Variants in COL19A1 observed in about 807,000 individuals in gnomAD.
The protein encoded by COL19A1 is collagen type XIX alpha 1 chain.
Under a neutral mutation model 190.2 loss-of-function variants are expected in COL19A1, and 159 were observed. The ratio of observed to expected loss-of-function variants is 0.84; its 90% CI spans 0.73 to 0.95. COL19A1 has a LOEUF of 0.95. COL19A1 is among the 40% of genes least tolerant of loss of function. The pLI is 0.00. For synonymous variants in COL19A1, 509 were observed against 458.9 expected (o/e 1.11, Z -1.39); for missense variants, 1,418 against 1,431.9 (o/e 0.99, Z 0.16).
chr6:69,901,057 A>G (rs1462596429), intron 4 of COL19A1, among the ~76,000 whole-genome samples: 1 of 152,238 alleles, frequency 6.6e-6, no homozygotes, highest in Non-Finnish European at 1.5e-5. Context: ...TCAGGCAGGC[A>G]GGTAGCACAT....
At chr6:70,203,092 A>G (rs887778762) in intron 49 of COL19A1, among the ~76,000 whole-genome samples, 1 of 152,124 alleles carries the variant, frequency 6.6e-6, no homozygotes, top group African/African-American at 2.4e-5. Context: ...CCCCTATATA[A>G]ACAGGAGAGG....
At chr6:69,988,340 G>A (rs1776421473) in intron 11 of COL19A1, among the ~76,000 whole-genome samples, 1 of 152,116 alleles carries the variant, frequency 6.6e-6, no homozygotes, top group East Asian at 1.9e-4. Context: ...CAAAAGATAA[G>A]CATTACTTAG....
chr6:70,180,594 C>A, intron 44 of COL19A1, 71 bp downstream of exon 44: 1 of 1,486,540 alleles, frequency 6.7e-7, no homozygotes, highest in Non-Finnish European at 9.4e-7. Context: ...CATCTACCAC[C>A]TCAGAAATTC....
chr6:70,144,144 A>T lies in COL19A1; in HGVS notation c.1627-66A>T, dbSNP rs1170380662. 2.2e-6 allele frequency: 3 copies of T among 1,349,172 alleles called. No individual in the cohort carries two copies. The East Asian group carries it at 6.9e-5, about 31-fold the overall frequency. 83.6% of individuals were successfully genotyped at this position (1,349,172 alleles called of 1,614,324 possible). ...CTGTTCTCTTGACAGAGATTCACAG[A>T]TATAGGGAAATGTTATTGTAAGAGA... On this transcript the variant is annotated intron_variant, in intron 23 of 50. Transcript: ENST00000620364.
At position 69,956,061 on chromosome 6, in the gene COL19A1, G is replaced by T. The variant is rs867763646; in HGVS notation, c.937-3935G>T. 7.2e-5 allele frequency among the ~76,000 whole-genome samples: 11 copies of T among 151,962 alleles called. No individual in the cohort carries two copies. The South Asian group carries it at 1.9e-3, about 26-fold the overall frequency. On this transcript the variant is annotated intron_variant, in intron 9 of 50. Transcript: ENST00000620364. ...AATTTATATTTGTCCTTAAATTTAA[G>T]AATGCCCATCCTGCTTGTTTTCTAG...
chr6:69,971,645 A>T (rs1175671410), intron 11 of COL19A1, among the ~76,000 whole-genome samples: 1 of 152,224 alleles, frequency 6.6e-6, no homozygotes, highest in Non-Finnish European at 1.5e-5. Context: ...ATACTTCCTA[A>T]GAAATGTCAG....
At chr6:70,180,390 T>C (rs1212874553) in intron 43 of COL19A1, 34 bp downstream of exon 43, 3 of 1,614,040 alleles carry the variant, frequency 1.9e-6, no homozygotes, top group South Asian at 2.2e-5. Flanking sequence ...ACAGTTGTAC[T>C]TGTGTTGTAC....
intron 2 of COL19A1, among the ~76,000 whole-genome samples, chr6:69,881,109 C>T (rs1448326816): frequency 6.6e-6 from 1 of 152,138 alleles, no homozygotes; most frequent in Non-Finnish European, 1.5e-5. Context: ...TTCCTGAGAC[C>T]TCCTATCGCA....
In COL19A1 at chr6:70,130,381, T is replaced by A. The variant is rs3763247; in HGVS notation, c.1383+158T>A. Among the ~76,000 whole-genome samples the A allele has an allele frequency of 0.47, 70,748 of 151,566 alleles. 16,936 individuals are homozygous for A. Among genetic ancestry groups the A allele is most frequent in the African/African-American group, 0.56 (23,149 of 41,264 alleles). On this transcript the variant is annotated intron_variant, in intron 18 of 50. Coordinates refer to ENST00000620364, the MANE Select transcript of COL19A1 (RefSeq NM_001858.6). ...GCTGGGATTACAGGCATGTGCCACC[T>A]CTCCCGGCTAATTATTGTATTTTTA...
At chr6:70,102,324 T>C in intron 16 of COL19A1, 102 bp downstream of exon 16, 1 of 879,330 alleles carries the variant, frequency 1.1e-6, no homozygotes, top group Non-Finnish European at 1.9e-6. Context: ...TGATTTCCTT[T>C]ATTCTACTGT....
intron 11 of COL19A1, among the ~76,000 whole-genome samples, chr6:70,006,692 A>G (rs1777647106): frequency 6.6e-6 from 1 of 152,176 alleles, no homozygotes; most frequent in South Asian, 2.1e-4. Context: ...ATATATGACT[A>G]TATTTGTATT....
chr6:69,968,847 C>T (rs1236008101), intron 11 of COL19A1, among the ~76,000 whole-genome samples: 1 of 152,112 alleles, frequency 6.6e-6, no homozygotes, highest in Non-Finnish European at 1.5e-5. Flanking sequence ...GGGGCAGCAT[C>T]TAGATCACTC....
At chr6:70,202,160 AG>A (rs1304258363) in intron 49 of COL19A1, among the ~76,000 whole-genome samples, 3 of 152,212 alleles carry the variant, frequency 2.0e-5, no homozygotes, top group Non-Finnish European at 2.9e-5. Context: ...TGGGAAGAAA[AG>A]ATGGCTTCTG....
At chr6:70,103,968 G>A (rs147869204) in intron 16 of COL19A1, among the ~76,000 whole-genome samples, 1 of 152,054 alleles carries the variant, frequency 6.6e-6, no homozygotes, top group African/African-American at 2.4e-5. Flanking sequence ...GTGACCTAAA[G>A]ACCAAAAACA....
rs1781019024 is a variant in COL19A1, at chr6:70,064,062, G to A, written c.1171-4361G>A. ...CTACCAGAGGTACAAGGAGGAGCTG[G>A]TACCATTCCTTCTGAAACTACTCCA... On this transcript the variant is annotated intron_variant, in intron 14 of 50. Transcript: ENST00000620364. Among the ~76,000 whole-genome samples the A allele has an allele frequency of 3.9e-5, 6 of 152,254 alleles. No homozygotes were observed. The South Asian group carries it at 1.2e-3, about 32-fold the overall frequency.
intron 2 of COL19A1, among the ~76,000 whole-genome samples, chr6:69,888,225 A>G (rs1475127466): frequency 1.3e-5 from 2 of 152,108 alleles, no homozygotes; most frequent in African/African-American, 4.8e-5. Flanking sequence ...ACACGTATCA[A>G]AATGAAACAA....
chr6:70,157,619 T>G (rs1328355598), intron 34 of COL19A1, among the ~76,000 whole-genome samples: 6 of 152,128 alleles, frequency 3.9e-5, no homozygotes, highest in Admixed American at 3.9e-4. Flanking sequence ...TAGAAAACTT[T>G]GAGGTTTGAT....
chr6:70,044,438 G>A (rs951572375), intron 14 of COL19A1, among the ~76,000 whole-genome samples: 1 of 152,180 alleles, frequency 6.6e-6, no homozygotes, highest in Non-Finnish European at 1.5e-5. Flanking sequence ...TGGCTGGAGG[G>A]ACCTAGCTTT....
chr6:70,086,767 C>T (rs561628188), intron 15 of COL19A1, among the ~76,000 whole-genome samples: 62 of 152,046 alleles, frequency 4.1e-4, no homozygotes, highest in Non-Finnish European at 5.9e-4. Flanking sequence ...GTAATGAATG[C>T]GATCACACTT....
Sources: gnomAD v4.1 joint callset for allele counts (sites outside exome capture counted in the v4.1 genomes callset) on GRCh38, gnomAD v4.1.1 for gene constraint, MANE v1.5 for transcripts, NCBI Gene and HGNC (gene_info 2026-07-23, HGNC 2026-07-21) for gene names.